Variants in DPF1 observed in about 807,000 individuals in gnomAD.
DPF1 encodes the protein double PHD fingers 1.
DPF1 carries 14 observed loss-of-function variants against 58.7 expected under a neutral mutation model. That is an observed-to-expected ratio of 0.24 (90% CI 0.16 to 0.37). The LOEUF (loss-of-function observed/expected upper bound fraction) is 0.37, where lower values mean the gene tolerates loss of function less well. Among genes scored for constraint, DPF1 ranks in the 10% least tolerant of loss-of-function variants. The probability of loss-of-function intolerance (pLI) is 1.00; values close to 1 mark genes in which losing one functional copy is unlikely to be tolerated. For missense variants in DPF1, 345 were observed against 529.9 expected (o/e 0.65, Z 3.43); for synonymous variants, 216 against 216.0 (o/e 1.00, Z 0.00).
In DPF1 at chr19:38,211,042, G is replaced by C. The variant is rs1285556632; in HGVS notation, c.*1021C>G. On this transcript the variant is annotated 3_prime_UTR_variant, in exon 12 of 12. Transcript: ENST00000355526. The surrounding 1 kb of genome is among the most constrained non-coding windows in gnomAD (Gnocchi z 4.0). ...GGGGTCAGGCCCAGTTTAATACACA[G>C]AACAAGTTAATTCACAGCAGAGGCA... 6.6e-6 allele frequency: 1 copy of C among 152,544 alleles called. No individual in the cohort carries two copies. Among genetic ancestry groups the C allele is most frequent in the Non-Finnish European group, 1.5e-5 (1 of 68,274 alleles). The allele number at this position is 152,544 out of a possible 1,614,324, so 9.4% of individuals were successfully genotyped here.
At chr19:38,225,262 T>TA (rs1967765389), upstream of DPF1, among the ~76,000 whole-genome samples, 1 of 133,978 alleles carries the variant, frequency 7.5e-6, no homozygotes, top group Admixed American at 7.1e-5. Flanking sequence ...AATAAATAAA[T>TA]AATAAGAAAG....
chr19:38,219,016 C>T lies in DPF1; in HGVS notation c.341G>A (p.Gly114Glu). 6.2e-7 allele frequency: 1 copy of T among 1,614,184 alleles called. No individual in the cohort carries two copies. The highest frequency in any genetic ancestry group is 8.5e-7 in the Non-Finnish European group (1 of 1,180,030). The change falls in exon 4 of 12, where the codon GGG becomes GAG. Residue 114 changes from glycine to glutamate, a missense_variant. Transcript: ENST00000355526. ...ACACAGTAGAGCCTCGAGGACCGGC[C>T]CTTCCGGGAGGCCACCCTCCTTCTT... is the stretch of plus-strand genomic sequence containing the variant. ...PLKKEGGLPE[G>E]PVLEALLCAE... is the part of the protein sequence containing the mutation.
chr19:38,219,520 T>C (rs1471428640), intron 3 of DPF1: 1 of 157,502 alleles, frequency 6.3e-6, no homozygotes, highest in Non-Finnish European at 1.4e-5. Context: ...GGTCTCGCTC[T>C]GTCACCCAGG....
chr19:38,222,276 A>C lies in DPF1; in HGVS notation c.298+81T>G. ...GCCAGCCAGGCAGACACTTGCTAGA[A>C]GGCGATAAAGGTGATGGACGAGTGC... On this transcript the variant is annotated intron_variant, in intron 3 of 11. Transcript: ENST00000355526. The surrounding 1 kb of genome is among the most constrained non-coding windows in gnomAD (Gnocchi z 4.9). 1 of 1,217,124 alleles carries C rather than the reference A, an allele frequency of 8.2e-7. No individual in the cohort carries two copies. The highest frequency in any genetic ancestry group is 1.2e-6 in the Non-Finnish European group (1 of 863,966). The allele number at this position is 1,217,124 out of a possible 1,614,324, so 75.4% of individuals were successfully genotyped here. A position where few individuals can be genotyped will look rare whatever the true frequency, so the allele number is the denominator to read the frequency against.
At chr19:38,212,988 T>G (rs537653027) in intron 10 of DPF1, among the ~76,000 whole-genome samples, 2 of 148,928 alleles carry the variant, frequency 1.3e-5, no homozygotes, top group African/African-American at 5.0e-5. Flanking sequence ...TGTTTTTGTT[T>G]GTTTTTTTTT....
rs1568623058 is a variant in DPF1, at chr19:38,213,747, G to A, written c.908C>T (p.Ser303Leu). The change falls in exon 10 of 12, where the codon TCG becomes TTG. Residue 303 changes from serine (S) to leucine (L), a missense_variant. Ser to Leu is a moderately radical substitution (Grantham distance 145). Coordinates refer to ENST00000355526, the MANE Select transcript of DPF1 (RefSeq NM_001135155.3). ...CADCGRSGHP[S>L]CLQFTVNMTA... ...CATGTTCACCGTGAATTGTAAACACGAGGGGTGTCCTGGGGGCCAAGGGGC... is the reference window on the plus strand; with the variant it reads ...CATGTTCACCGTGAATTGTAAACACAAGGGGTGTCCTGGGGGCCAAGGGGC... 4 of 1,613,714 alleles carry A rather than the reference G, an allele frequency of 2.5e-6. No individual in the cohort carries two copies. The highest frequency in any genetic ancestry group is 1.1e-5 in the South Asian group (1 of 91,060).
chr19:38,213,849 T>A lies in DPF1; in HGVS notation c.899-93A>T, dbSNP rs1973649597. On this transcript the variant is annotated intron_variant, in intron 9 of 11. Coordinates refer to ENST00000355526, the MANE Select transcript of DPF1 (RefSeq NM_001135155.3). ...GGAGCCATAGCTCAGCCCCTACCCC[T>A]GGCTCATGACGCCAGGATGAGCTGC... 4.6e-6 allele frequency: 5 copies of A among 1,081,284 alleles called. No homozygotes were observed. The South Asian group carries it at 7.4e-5, about 16-fold the overall frequency. The allele number at this position is 1,081,284 out of a possible 1,614,324, so 67.0% of individuals were successfully genotyped here.
At chr19:38,212,974 C>A (rs569607673) in intron 10 of DPF1, among the ~76,000 whole-genome samples, 5 of 149,530 alleles carry the variant, frequency 3.3e-5, no homozygotes, top group Admixed American at 2.7e-4. Context: ...ACGGTCATGG[C>A]TTTTGTTTTT....
upstream of DPF1, among the ~76,000 whole-genome samples, chr19:38,224,824 C>T (rs1235040570): frequency 6.6e-6 from 1 of 152,232 alleles, no homozygotes; most frequent in African/African-American, 2.4e-5. This position sits in a 1 kb window ranked among gnomAD's most constrained non-coding sequence, Gnocchi z 4.5. Flanking sequence ...AGCTCTGCCA[C>T]TTGGTGGCCA....
chr19:38,213,789 G>A, intron 9 of DPF1, 33 bp from the exon 10 acceptor site: 1 of 1,579,224 alleles, frequency 6.3e-7, no homozygotes, highest in Non-Finnish European at 8.7e-7. Flanking sequence ...GCAGTTAGGA[G>A]GTCACCGTGC....
At chr19:38,215,168 A>G (rs1966924162) in intron 9 of DPF1, among the ~76,000 whole-genome samples, 1 of 150,268 alleles carries the variant, frequency 6.7e-6, no homozygotes. Context: ...GGCTCTCATT[A>G]TGTTGCCCTG....
At chr19:38,224,268 G>A (rs1411284051), upstream of DPF1, 10 of 1,261,314 alleles carry the variant, frequency 7.9e-6, no homozygotes, top group Non-Finnish European at 7.0e-6. The surrounding 1 kb of genome is among the most constrained non-coding windows in gnomAD (Gnocchi z 4.5). Context: ...ACGGCCAATC[G>A]CGGCGACGGG....
intron 3 of DPF1, among the ~76,000 whole-genome samples, chr19:38,221,902 T>C (rs1967502085): frequency 6.6e-6 from 1 of 152,070 alleles, no homozygotes; most frequent in South Asian, 2.1e-4. Context: ...ACCAACATGG[T>C]GAAACCCCGT....
At position 38,224,103 on chromosome 19, in the gene DPF1, G is replaced by A. The variant is rs372214815; in HGVS notation, c.29+11C>T. On this transcript the variant is annotated intron_variant, in intron 1 of 11. Transcript: ENST00000355526. The surrounding 1 kb of genome is among the most constrained non-coding windows in gnomAD (Gnocchi z 4.5). Reference sequence around the variant, plus strand: ...CGCGCTTCCTCTCCGCCTCCCGCCGGCCCGCACCACCTCAGGGGGCCAGGG... The same window carrying A: ...CGCGCTTCCTCTCCGCCTCCCGCCGACCCGCACCACCTCAGGGGGCCAGGG... The A allele has an allele frequency of 2.6e-4, 393 of 1,501,018 alleles. No homozygotes were observed. Among genetic ancestry groups the A allele is most frequent in the Non-Finnish European group, 3.3e-4 (377 of 1,136,336 alleles). The allele number at this position is 1,501,018 out of a possible 1,614,324, so 93.0% of individuals were successfully genotyped here.
At chr19:38,220,339 A>C (rs1967370337) in intron 3 of DPF1, among the ~76,000 whole-genome samples, 1 of 150,222 alleles carries the variant, frequency 6.7e-6, no homozygotes, top group African/African-American at 2.5e-5. Context: ...AGAAAGAAAG[A>C]GGCCGGGTGC....
At chr19:38,227,329 T>C (rs1040277064), upstream of DPF1, among the ~76,000 whole-genome samples, 2 of 143,042 alleles carry the variant, frequency 1.4e-5, no homozygotes, top group Admixed American at 1.4e-4. Flanking sequence ...CTGCCCACCC[T>C]GCCCTCCCAA....
chr19:38,218,070 C>A (rs904889642), intron 5 of DPF1, among the ~76,000 whole-genome samples, 194 bp from the exon 6 acceptor site: 1 of 152,062 alleles, frequency 6.6e-6, no homozygotes, highest in South Asian at 2.1e-4. Context: ...GGCATGGTGG[C>A]GCGTGCCTGT....
chr19:38,222,184 A>G lies in DPF1; in HGVS notation c.298+173T>C, dbSNP rs967121917. Among the ~76,000 whole-genome samples, 3 of 152,168 alleles carry G rather than the reference A, an allele frequency of 2.0e-5. No homozygotes were observed. Among genetic ancestry groups the G allele is most frequent in the African/African-American group, 7.2e-5 (3 of 41,450 alleles). ...GTAGGAGGAGATGCAGTCGCCACTCAGTGACTCAGAGAAACTGTGGAATCT... is the reference window on the plus strand; with the variant it reads ...GTAGGAGGAGATGCAGTCGCCACTCGGTGACTCAGAGAAACTGTGGAATCT... On this transcript the variant is annotated intron_variant, in intron 3 of 11. Coordinates refer to ENST00000355526, the MANE Select transcript of DPF1 (RefSeq NM_001135155.3). The surrounding 1 kb of genome is among the most constrained non-coding windows in gnomAD (Gnocchi z 4.9).
intron 3 of DPF1, among the ~76,000 whole-genome samples, chr19:38,220,449 G>A (rs1301277816): frequency 2.0e-5 from 3 of 151,530 alleles, no homozygotes; most frequent in African/African-American, 4.8e-5. Context: ...GTGAAACCCC[G>A]TCTCTACTAA....
Sources: allele counts gnomAD v4.1 joint callset (sites outside exome capture counted in the v4.1 genomes callset), GRCh38; gene constraint gnomAD v4.1.1; non-coding constraint Gnocchi (gnomAD v3.1); transcripts MANE v1.5; gene names NCBI Gene and HGNC (gene_info 2026-07-23, HGNC 2026-07-21).